Variants in ZNF438 observed in about 807,000 individuals in gnomAD.
ZNF438 encodes the protein zinc finger protein 438.
Under a neutral mutation model 38.0 loss-of-function variants are expected in ZNF438, and 25 were observed. That is an observed-to-expected ratio of 0.66 (90% CI 0.48 to 0.92). ZNF438 has a LOEUF of 0.92. Ranked by LOEUF, ZNF438 falls within the 40% of genes least tolerant of loss-of-function variation. The pLI is 0.00. For synonymous variants in ZNF438, 372 were observed against 364.1 expected, an observed-to-expected ratio of 1.02 and a Z score of -0.25; for missense variants, 1,007 against 999.6, an observed-to-expected ratio of 1.01 and a Z score of -0.10.
chr10:30,960,165 T>A lies in ZNF438; in HGVS notation c.-191-18514A>T, dbSNP rs192485579. On this transcript the variant is annotated intron_variant, in intron 1 of 5. Coordinates refer to ENST00000413025, the Ensembl canonical transcript of ZNF438. Reference sequence around the variant, plus strand: ...TTATTTACTTATAATTCTTTACATGTTTTGGATACAAGTCCTTTATCACAC... The same window carrying A: ...TTATTTACTTATAATTCTTTACATGATTTGGATACAAGTCCTTTATCACAC... Among the ~76,000 whole-genome samples, 4 of 147,656 alleles carry A rather than the reference T, an allele frequency of 2.7e-5. 1 individual carries two copies. The highest frequency in any genetic ancestry group is 1.4e-4 in the Admixed American group (2 of 14,694).
chr10:31,029,623 G>C (rs749028260), intron 1 of ZNF438, among the ~76,000 whole-genome samples: 3 of 152,094 alleles, frequency 2.0e-5, no homozygotes, highest in Non-Finnish European at 2.9e-5. Flanking sequence ...GCTTTCTCCC[G>C]ATTTTCACTC....
At chr10:30,858,267 G>A (rs2035015697) in intron 4 of ZNF438, among the ~76,000 whole-genome samples, 1 of 152,176 alleles carries the variant, frequency 6.6e-6, no homozygotes, top group Non-Finnish European at 1.5e-5. Flanking sequence ...TTCATTCGTT[G>A]TTATCCCTGT....
chr10:30,926,955 T>A (rs1420541189), intron 2 of ZNF438, among the ~76,000 whole-genome samples: 1 of 152,182 alleles, frequency 6.6e-6, no homozygotes, highest in Non-Finnish European at 1.5e-5. Context: ...GAGTCTCCGG[T>A]AAGTTGAGAG....
At chr10:30,904,016 TAAA>T (rs71527619) in intron 3 of ZNF438, among the ~76,000 whole-genome samples, 2 of 143,014 alleles carry the variant, frequency 1.4e-5, no homozygotes, top group African/African-American at 2.6e-5. Context: ...ATGCCACAGT[TAAA>T]AAAAAAAAAA....
chr10:31,030,606 A>G (rs2057225285), intron 1 of ZNF438, among the ~76,000 whole-genome samples: 1 of 152,238 alleles, frequency 6.6e-6, no homozygotes, highest in Non-Finnish European at 1.5e-5. Flanking sequence ...AAGCTAGTTA[A>G]CGAATAGAAC....
At chr10:31,029,631 C>T (rs2057157423) in intron 1 of ZNF438, among the ~76,000 whole-genome samples, 1 of 152,238 alleles carries the variant, frequency 6.6e-6, no homozygotes, top group Non-Finnish European at 1.5e-5. Flanking sequence ...CCGATTTTCA[C>T]TCCATCCGAC....
chr10:30,936,010 G>T (rs145240916), intron 2 of ZNF438, among the ~76,000 whole-genome samples: 3 of 152,304 alleles, frequency 2.0e-5, no homozygotes, highest in African/African-American at 7.2e-5. Context: ...AACTATAGAA[G>T]AGGTGAAGCC....
At chr10:30,849,772 A>C in exon 5 of ZNF438, 1 of 1,614,128 alleles carries the variant, frequency 6.2e-7, no homozygotes, top group Non-Finnish European at 8.5e-7. Flanking sequence ...TCAGACTGCC[A>C]TGGGTGTTGG....
intron 4 of ZNF438, among the ~76,000 whole-genome samples, chr10:30,872,060 G>A (rs1420264757): frequency 2.0e-5 from 3 of 152,104 alleles, no homozygotes; most frequent in African/African-American, 7.2e-5. Flanking sequence ...GACTTGTCTA[G>A]GAAATGGCAA....
At chr10:30,972,712 G>C (rs150054712) in intron 1 of ZNF438, among the ~76,000 whole-genome samples, 80 of 152,278 alleles carry the variant, frequency 5.3e-4, no homozygotes, top group South Asian at 2.5e-3. Context: ...AATGATGACA[G>C]AGAGAAAGCA....
chr10:30,910,270 G>C (rs1226454239), intron 2 of ZNF438: 1 of 152,204 alleles, frequency 6.6e-6, no homozygotes, highest in African/African-American at 2.4e-5. Context: ...AGGAACCCTG[G>C]GAAAGATGGA....
At chr10:30,914,882 A>G (rs553461568) in intron 2 of ZNF438, among the ~76,000 whole-genome samples, 9 of 152,108 alleles carry the variant, frequency 5.9e-5, no homozygotes, top group Non-Finnish European at 1.0e-4. Flanking sequence ...GTTTGAAATC[A>G]TAATGACATA....
intron 3 of ZNF438, among the ~76,000 whole-genome samples, chr10:30,890,873 G>A (rs2040596539): frequency 6.6e-6 from 1 of 152,112 alleles, no homozygotes; most frequent in African/African-American, 2.4e-5. Flanking sequence ...ATCAACTGAT[G>A]TCCCACAATG....
At chr10:30,994,529 C>A (rs978447052) in intron 1 of ZNF438, among the ~76,000 whole-genome samples, 1 of 152,276 alleles carries the variant, frequency 6.6e-6, no homozygotes, top group African/African-American at 2.4e-5. Flanking sequence ...ATGCTCTGTG[C>A]CACCTTGGGA....
chr10:31,000,069 G>A (rs919191670), intron 1 of ZNF438, among the ~76,000 whole-genome samples: 4 of 152,048 alleles, frequency 2.6e-5, no homozygotes, highest in Non-Finnish European at 4.4e-5. Context: ...TGTCGGCAAC[G>A]AAATGCTTAT....
At chr10:30,982,158 G>C (rs902040043) in intron 1 of ZNF438, among the ~76,000 whole-genome samples, 3 of 149,548 alleles carry the variant, frequency 2.0e-5, no homozygotes, top group Admixed American at 6.7e-5. Flanking sequence ...CTGGAGTACA[G>C]TGGCGCGATC....
intron 1 of ZNF438, among the ~76,000 whole-genome samples, chr10:30,952,153 G>C (rs1370928787): frequency 6.6e-6 from 1 of 151,646 alleles, no homozygotes; most frequent in African/African-American, 2.4e-5. Flanking sequence ...AATGGGGAAA[G>C]GATTCCCTAT....
At chr10:30,863,497 G>T (rs768779110) in intron 4 of ZNF438, among the ~76,000 whole-genome samples, 2 of 152,132 alleles carry the variant, frequency 1.3e-5, no homozygotes, top group Non-Finnish European at 2.9e-5. Flanking sequence ...TGACTACTTT[G>T]GATTCCTTTG....
intron 1 of ZNF438, among the ~76,000 whole-genome samples, chr10:30,968,685 G>A (rs537218134): frequency 7.1e-4 from 108 of 151,938 alleles, no homozygotes; most frequent in African/African-American, 2.5e-3. Flanking sequence ...CAGGTTATCC[G>A]CCCACCTAGC....
Sources: gnomAD v4.1 joint callset for allele counts (sites outside exome capture counted in the v4.1 genomes callset) on GRCh38, gnomAD v4.1.1 for gene constraint, MANE v1.5 for transcripts, NCBI Gene and HGNC (gene_info 2026-07-23, HGNC 2026-07-21) for gene names.